The following NIM1K variants were observed in gnomAD, a reference collection of about 807,000 sequenced individuals.
The protein encoded by NIM1K is serine/threonine-protein kinase NIM1.
NIM1K carries 35 observed loss-of-function variants against 37.1 expected under a neutral mutation model. The observed-to-expected ratio is 0.94, with a 90% CI of 0.72 to 1.25. The LOEUF is 1.25. Ranked by LOEUF, NIM1K falls within the 50% of genes most tolerant of loss-of-function variation. The pLI is 0.00. For missense variants in NIM1K, 564 were observed against 548.0 expected (o/e 1.03, Z -0.29); for synonymous variants, 234 against 206.6 (o/e 1.13, Z -1.14).
At chr5:43,263,201 T>C (rs374751744) in intron 2 of NIM1K, among the ~76,000 whole-genome samples, 1 of 152,242 alleles carries the variant, frequency 6.6e-6, no homozygotes, top group East Asian at 1.9e-4. Flanking sequence ...GCTCCTTTTG[T>C]ACCTCTGGTA....
At position 43,257,045 on chromosome 5, in the gene NIM1K, G is replaced by A. The variant is rs1406943775; in HGVS notation, c.292+10978G>A. On this transcript the variant is annotated intron_variant, in intron 2 of 3. Transcript: ENST00000326035. ...TCACCAAGGAGGTGATTGTAGAGAA[G>A]AGGTCTAAGAACTAAGCCTTCAGGT... Among the ~76,000 whole-genome samples the A allele has an allele frequency of 4.6e-5, 7 of 152,070 alleles. 1 individual carries two copies. Among genetic ancestry groups the A allele is most frequent in the African/African-American group, 1.4e-4 (6 of 41,426 alleles).
At chr5:43,211,724 A>G (rs949166086) in intron 1 of NIM1K, among the ~76,000 whole-genome samples, 6 of 152,246 alleles carry the variant, frequency 3.9e-5, no homozygotes, top group African/African-American at 1.4e-4. Flanking sequence ...TTTCTAGACC[A>G]TGCAATGGAA....
chr5:43,216,020 G>C (rs1752295159), intron 1 of NIM1K, among the ~76,000 whole-genome samples: 1 of 151,230 alleles, frequency 6.6e-6, no homozygotes, highest in Non-Finnish European at 1.5e-5. Context: ...AGGCTTTTCT[G>C]TTTCCTATCA....
chr5:43,224,638 G>C (rs751974220), intron 1 of NIM1K, among the ~76,000 whole-genome samples: 1 of 151,510 alleles, frequency 6.6e-6, no homozygotes, highest in African/African-American at 2.4e-5. Flanking sequence ...ATTACAACTC[G>C]AGAGCACATA....
chr5:43,226,275 C>T (rs1005532450), intron 1 of NIM1K, among the ~76,000 whole-genome samples: 3 of 152,170 alleles, frequency 2.0e-5, no homozygotes, highest in African/African-American at 7.2e-5. Flanking sequence ...AAGGATCTTT[C>T]TGGATGCTTT....
intron 1 of NIM1K, among the ~76,000 whole-genome samples, chr5:43,199,350 G>A (rs1276322701): frequency 6.6e-6 from 1 of 151,184 alleles, no homozygotes; most frequent in Non-Finnish European, 1.5e-5. Context: ...GGTACGCTTT[G>A]GCCTGCAGTT....
intron 1 of NIM1K, among the ~76,000 whole-genome samples, chr5:43,236,677 C>T (rs1752626765): frequency 6.6e-6 from 1 of 152,174 alleles, no homozygotes. Flanking sequence ...GAGTCTGTGG[C>T]ATTGATGGCA....
intron 1 of NIM1K, among the ~76,000 whole-genome samples, chr5:43,192,633 G>A (rs1240207281): frequency 1.3e-5 from 2 of 152,240 alleles, no homozygotes; most frequent in East Asian, 1.9e-4. Context: ...CCGCAAGCGA[G>A]AGGAGGGGGC....
intron 1 of NIM1K, chr5:43,240,513 C>G (rs1752684627): frequency 6.6e-6 from 1 of 151,392 alleles, no homozygotes; most frequent in Non-Finnish European, 1.5e-5. Context: ...ATAACTCTAC[C>G]TATTTTTAGG....
intron 1 of NIM1K, among the ~76,000 whole-genome samples, chr5:43,236,012 G>A (rs186340408): frequency 1.3e-5 from 2 of 152,212 alleles, no homozygotes; most frequent in Non-Finnish European, 2.9e-5. Flanking sequence ...GGTTGTTCAC[G>A]CCTGTAATCA....
At chr5:43,272,671 C>T (rs780669720) in intron 2 of NIM1K, among the ~76,000 whole-genome samples, 2 of 152,180 alleles carry the variant, frequency 1.3e-5, no homozygotes, top group African/African-American at 2.4e-5. Flanking sequence ...GCTCCCTTCC[C>T]TTTGTCCCCT....
At chr5:43,225,260 CAAAAAAAAAAAAAA>C (rs10555794) in intron 1 of NIM1K, among the ~76,000 whole-genome samples, 2 of 72,710 alleles carry the variant, frequency 2.8e-5, no homozygotes, top group East Asian at 4.7e-4. Context: ...ACCCTCTTTC[CAAAAAAAAAAAAAA>C]AAAAAAAAAA....
At chr5:43,235,467 C>G (rs1042967978) in intron 1 of NIM1K, among the ~76,000 whole-genome samples, 1 of 152,210 alleles carries the variant, frequency 6.6e-6, no homozygotes, top group Non-Finnish European at 1.5e-5. Context: ...TCATTCCAGA[C>G]CCCACAGATG....
intron 1 of NIM1K, among the ~76,000 whole-genome samples, chr5:43,242,119 G>A (rs1351457368): frequency 1.3e-5 from 2 of 152,120 alleles, no homozygotes; most frequent in East Asian, 3.9e-4. Flanking sequence ...GTTCAAGACC[G>A]TTTTGCAAGA....
chr5:43,275,428 T>C lies in NIM1K; in HGVS notation c.293-1629T>C, dbSNP rs571140880. Among the ~76,000 whole-genome samples the C allele has an allele frequency of 4.6e-5, 7 of 152,290 alleles. No individual in the cohort carries two copies. In the East Asian group the frequency reaches 1.2e-3, roughly 25 times the overall value. ...TCAGATTCTTTAAGATTGCCAAAGG[T>C]GAAATGGTTGGGTCCCAGGGTGCAA... On this transcript the variant is annotated intron_variant, in intron 2 of 3. Transcript: ENST00000326035.
chr5:43,210,353 T>C (rs1275352311), intron 1 of NIM1K, among the ~76,000 whole-genome samples: 1 of 152,226 alleles, frequency 6.6e-6, no homozygotes, highest in Non-Finnish European at 1.5e-5. Context: ...AACCAGTTTT[T>C]ATTATTTATT....
intron 3 of NIM1K, among the ~76,000 whole-genome samples, chr5:43,279,112 A>G (rs767291455): frequency 1.3e-5 from 2 of 152,356 alleles, no homozygotes; most frequent in South Asian, 2.1e-4. Context: ...CTCTGCAAAC[A>G]GGAAGTGTGT....
intron 2 of NIM1K, among the ~76,000 whole-genome samples, chr5:43,268,196 T>G (rs1753197584): frequency 6.6e-6 from 1 of 152,216 alleles, no homozygotes; most frequent in Admixed American, 6.5e-5. Context: ...TTTATCATTA[T>G]ATAATTGTAA....
chr5:43,217,639 A>C (rs573092472), intron 1 of NIM1K, among the ~76,000 whole-genome samples: 2 of 151,710 alleles, frequency 1.3e-5, no homozygotes, highest in African/African-American at 2.4e-5. Context: ...GATGCTGAAC[A>C]TCCTTTAATG....
Sources: allele counts gnomAD v4.1 joint callset (sites outside exome capture counted in the v4.1 genomes callset), GRCh38; gene constraint gnomAD v4.1.1; transcripts MANE v1.5; gene names NCBI Gene and HGNC (gene_info 2026-07-23, HGNC 2026-07-21).